Variants in DPP6 observed in about 807,000 individuals in gnomAD.
The protein encoded by DPP6 is dipeptidyl peptidase like 6, also known as A-type potassium channel modulatory protein DPP6.
A neutral mutation model predicts 122.6 loss-of-function variants in DPP6; 69 were observed. The observed-to-expected ratio is 0.56, with a 90% CI of 0.46 to 0.69. The LOEUF is 0.69. Ranked by LOEUF, DPP6 falls within the 30% of genes least tolerant of loss-of-function variation. The pLI, the probability that DPP6 is intolerant of heterozygous loss-of-function variation, is 0.00. For synonymous variants in DPP6, 418 were observed against 433.1 expected, an observed-to-expected ratio of 0.97 and a Z score of 0.43; for missense variants, 928 against 1,116.9, an observed-to-expected ratio of 0.83 and a Z score of 2.41.
chr7:154,063,355 G>A (rs1439394021), intron 1 of DPP6, among the ~76,000 whole-genome samples: 1 of 117,182 alleles, frequency 8.5e-6, no homozygotes, highest in Non-Finnish European at 1.8e-5. Context: ...GAACCCCATT[G>A]CAGGAGGGTG....
At chr7:153,805,333 A>G in the DPP6 span, among the ~76,000 whole-genome samples, 2 of 152,192 alleles carry the variant, frequency 1.3e-5, no homozygotes, top group African/African-American at 2.4e-5. Flanking sequence ...AGGGCCCCGC[A>G]GAGAGTAAGC....
rs1414454102 is a variant in DPP6 at position 154,345,571 on chromosome 7, AAGGTGGAAATCCTAAGGTGGATTTGCTT to A, written c.244-100640_244-100613del. Reference sequence around the variant, plus strand: ...GTAAGCAGATAGAGGTGGATTTCCCAAGGTGGAAATCCTAAGGTGGATTTGCTTAGTCTTGGGACCTGTTGCTGTCCAC... The same window carrying A: ...GTAAGCAGATAGAGGTGGATTTCCCAAGTCTTGGGACCTGTTGCTGTCCAC... On this transcript the variant is annotated intron_variant, in intron 1 of 25. Coordinates refer to ENST00000377770, the MANE Select transcript of DPP6 (RefSeq NM_130797.4). 2.2e-4 allele frequency among the ~76,000 whole-genome samples: 34 copies of A among 152,200 alleles called. No homozygotes were observed. In the East Asian group the frequency reaches 6.0e-3, roughly 27 times the overall value.
chr7:154,243,363 A>ATG (rs1801768426), intron 1 of DPP6, among the ~76,000 whole-genome samples: 1 of 147,684 alleles, frequency 6.8e-6, no homozygotes, highest in Non-Finnish European at 1.5e-5. Flanking sequence ...AGGCAGTTAT[A>ATG]AATATAGCCA....
intron 1 of DPP6, among the ~76,000 whole-genome samples, chr7:154,298,867 G>A (rs1805715616): frequency 6.6e-6 from 1 of 152,176 alleles, no homozygotes; most frequent in African/African-American, 2.4e-5. Flanking sequence ...GACAAAATGG[G>A]CCCAGATGTT....
rs529172791 is a variant in DPP6 at position 154,114,800 on chromosome 7, T to A, written c.243+61737T>A. ...ACCCAGGAGGCTTCTGCAGTCTTTT[T>A]TGCTGCCAGAATGTCCTCCCTGATT... On this transcript the variant is annotated intron_variant, in intron 1 of 25. Coordinates refer to ENST00000377770, the MANE Select transcript of DPP6 (RefSeq NM_130797.4). 1.8e-4 allele frequency among the ~76,000 whole-genome samples: 28 copies of A among 152,320 alleles called. 2 individuals are homozygous for A. The highest frequency in any genetic ancestry group is 2.0e-4 in the Admixed American group (3 of 15,298).
At chr7:154,423,508 G>A (rs1817655655) in intron 1 of DPP6, among the ~76,000 whole-genome samples, 1 of 152,166 alleles carries the variant, frequency 6.6e-6, no homozygotes, top group Non-Finnish European at 1.5e-5. Flanking sequence ...ACCTTGTTCT[G>A]TTAGAAACTG....
chr7:154,555,239 C>T (rs527590712), intron 4 of DPP6, among the ~76,000 whole-genome samples: 1 of 152,056 alleles, frequency 6.6e-6, no homozygotes, highest in South Asian at 2.1e-4. Flanking sequence ...TTCTGAAAAA[C>T]CTAACATATA....
chr7:154,430,478 C>T (rs1444963350), intron 1 of DPP6, among the ~76,000 whole-genome samples: 1 of 152,168 alleles, frequency 6.6e-6, no homozygotes, highest in East Asian at 1.9e-4. Context: ...GCAGAGAGCA[C>T]AGAGCAGGCT....
intron 1 of DPP6, among the ~76,000 whole-genome samples, chr7:154,362,383 A>T (rs889818968): frequency 6.6e-6 from 1 of 152,182 alleles, no homozygotes; most frequent in African/African-American, 2.4e-5. Context: ...TACAACAAAG[A>T]TACCACTGCC....
Position 153,959,899 on chromosome 7 carries a change from G to A in DPP6, c.51+72165G>A, listed in dbSNP as rs555666075. Among the ~76,000 whole-genome samples the A allele has an allele frequency of 2.1e-3, 317 of 150,944 alleles. 2 individuals carry two copies. Among genetic ancestry groups the A allele is most frequent in the Non-Finnish European group, 3.3e-3 (223 of 67,920 alleles). On this transcript the variant is annotated intron_variant, in intron 1 of 25. Coordinates refer to the DPP6 transcript ENST00000404039. ...TTCAGCCGATCTCAGCTTTCAACAT[G>A]CCTTCCTCACTCAGCATAATCATTT...
At chr7:153,814,189 C>A in the DPP6 span, among the ~76,000 whole-genome samples, 2 of 151,642 alleles carry the variant, frequency 1.3e-5, no homozygotes, top group Admixed American at 6.6e-5. Context: ...CAAGGACCAA[C>A]AAAATTGATA....
chr7:154,834,782 G>T (rs1205306035), intron 16 of DPP6, among the ~76,000 whole-genome samples: 5 of 152,214 alleles, frequency 3.3e-5, no homozygotes, highest in Admixed American at 3.3e-4. Context: ...ATTATCATTT[G>T]TGGGCCAGCG....
intron 6 of DPP6, 119 bp from the exon 7 acceptor site, chr7:154,669,241 A>G: frequency 6.9e-7 from 1 of 1,455,144 alleles, no homozygotes; most frequent in South Asian, 1.3e-5. Context: ...CAAGCTCTTG[A>G]AATGGATACC....
chr7:153,995,636 A>C (rs1456786902), intron 1 of DPP6, among the ~76,000 whole-genome samples: 2 of 151,876 alleles, frequency 1.3e-5, no homozygotes, highest in Non-Finnish European at 2.9e-5. Flanking sequence ...GCAATGTGAC[A>C]GAGATTTACT....
At chr7:154,621,557 C>CAA (rs141457880) in intron 5 of DPP6, among the ~76,000 whole-genome samples, 1 of 151,774 alleles carries the variant, frequency 6.6e-6, no homozygotes, top group Admixed American at 6.6e-5. Flanking sequence ...TTAGTAGAGA[C>CAA]GGTTTCGCCA....
chr7:154,456,463 T>C (rs1820834810), intron 2 of DPP6, among the ~76,000 whole-genome samples: 1 of 152,158 alleles, frequency 6.6e-6, no homozygotes, highest in Admixed American at 6.6e-5. Context: ...TTTCATTCAG[T>C]AAATGTATGA....
At chr7:154,426,999 G>C (rs1817974059) in intron 1 of DPP6, among the ~76,000 whole-genome samples, 1 of 152,044 alleles carries the variant, frequency 6.6e-6, no homozygotes, top group East Asian at 1.9e-4. Context: ...CTTTATTTGT[G>C]CATCAGTGCT....
chr7:154,443,745 A>G (rs954732982), intron 1 of DPP6, among the ~76,000 whole-genome samples: 1 of 152,220 alleles, frequency 6.6e-6, no homozygotes, highest in Non-Finnish European at 1.5e-5. Flanking sequence ...GATGTGGATC[A>G]CTGGGTAGAA....
intron 4 of DPP6, among the ~76,000 whole-genome samples, chr7:154,549,948 A>T (rs1211897867): frequency 6.6e-6 from 1 of 152,220 alleles, no homozygotes; most frequent in Non-Finnish European, 1.5e-5. Flanking sequence ...AGTATACTTT[A>T]CCTGATTGTT....
Sources: gnomAD v4.1 joint callset for allele counts (sites outside exome capture counted in the v4.1 genomes callset) on GRCh38, gnomAD v4.1.1 for gene constraint, MANE v1.5 for transcripts, NCBI Gene and HGNC (gene_info 2026-07-23, HGNC 2026-07-21) for gene names.